SGSM1: variants seen among roughly 807,000 people sequenced by gnomAD.
SGSM1 encodes small G protein signaling modulator 1.
A neutral mutation model predicts 133.8 loss-of-function variants in SGSM1; 73 were observed. The ratio of observed to expected loss-of-function variants is 0.55; its 90% CI spans 0.45 to 0.66. The LOEUF (loss-of-function observed/expected upper bound fraction) is 0.66. Among genes scored for constraint, SGSM1 ranks in the 30% least tolerant of loss-of-function variants. The pLI is 0.00. For synonymous variants in SGSM1, 563 were observed against 573.0 expected, an observed-to-expected ratio of 0.98 and a Z score of 0.25; for missense variants, 1,213 against 1,448.1, an observed-to-expected ratio of 0.84 and a Z score of 2.64.
chr22:24,893,389 C>T lies in SGSM1; in HGVS notation c.1771-42C>T, dbSNP rs141671930. 458 of 1,605,580 alleles carry T rather than the reference C, an allele frequency of 2.9e-4. No homozygotes were observed. In the African/African-American group the frequency reaches 4.7e-3, roughly 17 times the overall value. On this transcript the variant is annotated intron_variant, in intron 16 of 24. Coordinates refer to ENST00000400358, the MANE Select transcript of SGSM1 (RefSeq NM_001098497.3). ...GTTGGTCTGGCCCTCCCCAGGCGCCCCTTTGTTGACACCTCGGGTGACATT... is the reference window on the plus strand; with the variant it reads ...GTTGGTCTGGCCCTCCCCAGGCGCCTCTTTGTTGACACCTCGGGTGACATT...
At chr22:24,845,983 TTC>T (rs1486364481) in intron 3 of SGSM1, among the ~76,000 whole-genome samples, 1 of 148,606 alleles carries the variant, frequency 6.7e-6, no homozygotes, top group Non-Finnish European at 1.5e-5. Flanking sequence ...CTTTCTTTCT[TTC>T]TTTCTTTCTT....
At chr22:24,806,792 A>G (rs1013890724) in intron 2 of SGSM1, among the ~76,000 whole-genome samples, 1 of 151,722 alleles carries the variant, frequency 6.6e-6, no homozygotes, top group Non-Finnish European at 1.5e-5. Context: ...GTGGAGGAGC[A>G]GGTGGGCGCG....
At position 24,859,934 on chromosome 22, in the gene SGSM1, G is replaced by A. The variant is rs188588049; in HGVS notation, c.926+94G>A. The stretch of plus-strand genomic sequence containing the variant: ...CCGGGGGAGGGGAGGTTTGTATCCC[G>A]CCCCTGCTTCTGCCCCCTCCTCTGC... On this transcript the variant is annotated intron_variant, in intron 9 of 24. Transcript: ENST00000400358. The A allele has an allele frequency of 1.6e-3, 2,484 of 1,526,992 alleles. 46 individuals are homozygous for A. The Admixed American group carries it at 0.033, about 21-fold the overall frequency. 94.6% of individuals were successfully genotyped at this position (1,526,992 alleles called of 1,614,324 possible). A position where few individuals can be genotyped will look rare whatever the true frequency, so the allele number is the denominator to read the frequency against.
intron 2 of SGSM1, among the ~76,000 whole-genome samples, chr22:24,834,195 T>G (rs1462380228): frequency 6.6e-6 from 1 of 152,204 alleles, no homozygotes; most frequent in Non-Finnish European, 1.5e-5. Flanking sequence ...GTATGGGAGT[T>G]GTCAGTCACG....
At chr22:24,858,127 C>T (rs1444781710) in intron 8 of SGSM1, among the ~76,000 whole-genome samples, 1 of 152,108 alleles carries the variant, frequency 6.6e-6, no homozygotes, top group African/African-American at 2.4e-5. Context: ...CAGGTGTGTA[C>T]CACCATGCCT....
Position 24,840,887 on chromosome 22 carries a change from T to G in SGSM1, c.64-4010T>G, listed in dbSNP as rs143137245. On this transcript the variant is annotated intron_variant, in intron 2 of 24. Transcript: ENST00000400358. ...GTTTTTTAAGACGGAGTCTCGCTCT[T>G]TCACCCAGGCCGGACTGCAGTGGCG... is the stretch of plus-strand genomic sequence containing the variant. Among the ~76,000 whole-genome samples the G allele has an allele frequency of 1.2e-4, 19 of 152,068 alleles. 1 individual carries two copies. The East Asian group carries it at 2.5e-3, about 20-fold the overall frequency.
At chr22:24,860,953 T>C (rs1931117235) in intron 9 of SGSM1, among the ~76,000 whole-genome samples, 1 of 121,208 alleles carries the variant, frequency 8.3e-6, no homozygotes, top group Non-Finnish European at 1.7e-5. Context: ...ATATATAATT[T>C]TGAAGCAACA....
chr22:24,866,014 G>A (rs973516170), intron 9 of SGSM1, among the ~76,000 whole-genome samples: 1 of 152,118 alleles, frequency 6.6e-6, no homozygotes, highest in Admixed American at 6.5e-5. Flanking sequence ...AAGTTAATCC[G>A]CTCTGCTCCC....
intron 19 of SGSM1, 141 bp downstream of exon 19, chr22:24,898,700 T>A: frequency 1.2e-6 from 1 of 802,246 alleles, no homozygotes; most frequent in Non-Finnish European, 1.9e-6. Context: ...GGATTCACTG[T>A]AGAAACCCAT....
chr22:24,834,097 C>G (rs1929286429), intron 2 of SGSM1, among the ~76,000 whole-genome samples: 1 of 152,236 alleles, frequency 6.6e-6, no homozygotes, highest in Admixed American at 6.5e-5. Context: ...TGCATCAGAG[C>G]CTCTCTGGAG....
At chr22:24,903,723 G>A (rs906324147) in intron 20 of SGSM1, among the ~76,000 whole-genome samples, 10 of 152,024 alleles carry the variant, frequency 6.6e-5, no homozygotes, top group African/African-American at 2.4e-4. Context: ...TGGGCACGGC[G>A]GCTCATGGGA....
chr22:24,903,923 G>T (rs1933258917), intron 20 of SGSM1, among the ~76,000 whole-genome samples: 1 of 142,580 alleles, frequency 7.0e-6, no homozygotes, highest in African/African-American at 2.7e-5. Flanking sequence ...AGTGAGCCAA[G>T]ATTGCACCAT....
chr22:24,855,885 A>G (rs749409476), intron 8 of SGSM1: 6 of 758,858 alleles, frequency 7.9e-6, no homozygotes, highest in Non-Finnish European at 1.4e-5. Context: ...ACCCATTGTT[A>G]TATCCATCCA....
chr22:24,892,997 G>C (rs1312510428), intron 16 of SGSM1, among the ~76,000 whole-genome samples: 1 of 151,150 alleles, frequency 6.6e-6, no homozygotes, highest in Non-Finnish European at 1.5e-5. Context: ...GGAGGCTGCA[G>C]TGAGTCAAGA....
At chr22:24,892,194 C>T (rs892353080) in intron 16 of SGSM1, among the ~76,000 whole-genome samples, 2 of 151,970 alleles carry the variant, frequency 1.3e-5, no homozygotes, top group East Asian at 3.9e-4. Context: ...GGAGGAGTCT[C>T]AGGGAGGTGG....
At chr22:24,913,904 C>T (rs1055976621) in intron 22 of SGSM1, among the ~76,000 whole-genome samples, 1 of 152,010 alleles carries the variant, frequency 6.6e-6, no homozygotes. Context: ...TGCCTGTAAT[C>T]CCAACACTTT....
At chr22:24,814,113 T>C (rs1927919561) in intron 2 of SGSM1, 1 of 152,178 alleles carries the variant, frequency 6.6e-6, no homozygotes, top group South Asian at 2.1e-4. Flanking sequence ...TGTCACTCTC[T>C]GAGAGCCAAG....
chr22:24,920,137 C>G, intron 24 of SGSM1, 144 bp downstream of exon 24: 1 of 895,754 alleles, frequency 1.1e-6, no homozygotes, highest in East Asian at 2.7e-5. Context: ...ATGGCTATTT[C>G]CAAAAGGACG....
chr22:24,902,843 C>T (rs1333474708), intron 20 of SGSM1, among the ~76,000 whole-genome samples: 1 of 152,160 alleles, frequency 6.6e-6, no homozygotes, highest in Non-Finnish European at 1.5e-5. Context: ...GTTTAAGACC[C>T]AGTCTGGGCA....
Sources: allele counts gnomAD v4.1 joint callset (sites outside exome capture counted in the v4.1 genomes callset), GRCh38; gene constraint gnomAD v4.1.1; transcripts MANE v1.5; gene names NCBI Gene and HGNC (gene_info 2026-07-23, HGNC 2026-07-21).